Variants in AK4 observed in about 807,000 individuals in gnomAD.
The protein encoded by AK4 is adenylate kinase 4, mitochondrial.
In AK4, 13 loss-of-function variants were observed where a neutral mutation model predicts 24.6. The ratio of observed to expected loss-of-function variants is 0.53; its 90% CI spans 0.34 to 0.84. AK4 has a LOEUF of 0.84. AK4 is among the 40% of genes least tolerant of loss of function. The pLI is 0.01. For synonymous variants in AK4, 88 were observed against 107.0 expected (o/e 0.82, Z 1.10); for missense variants, 192 against 288.2 (o/e 0.67, Z 2.42).
intron 2 of AK4, among the ~76,000 whole-genome samples, chr1:65,208,622 A>G (rs1651879335): frequency 6.6e-6 from 1 of 152,166 alleles, no homozygotes; most frequent in Non-Finnish European, 1.5e-5. Flanking sequence ...AAGGGGGCTG[A>G]TGTCGCATAG....
intron 2 of AK4, among the ~76,000 whole-genome samples, chr1:65,196,726 A>G (rs1023798400): frequency 2.6e-5 from 4 of 152,176 alleles, no homozygotes; most frequent in African/African-American, 4.8e-5. Context: ...TCGGCTGCCC[A>G]AAGTGCTGGG....
chr1:65,162,305 C>T (rs926138027), intron 1 of AK4, among the ~76,000 whole-genome samples: 3 of 152,056 alleles, frequency 2.0e-5, no homozygotes, highest in African/African-American at 4.8e-5. Flanking sequence ...TAGGAGTGAA[C>T]TCTCAGTAAG....
intron 2 of AK4, among the ~76,000 whole-genome samples, chr1:65,194,262 C>G (rs1651401443): frequency 6.6e-6 from 1 of 152,246 alleles, no homozygotes; most frequent in South Asian, 2.1e-4. Flanking sequence ...TCTTCCACCA[C>G]ATATCCTAGT....
chr1:65,176,762 G>C (rs1282129052), intron 1 of AK4, among the ~76,000 whole-genome samples: 3 of 152,146 alleles, frequency 2.0e-5, no homozygotes, highest in Non-Finnish European at 2.9e-5. Flanking sequence ...GCTGTGTTGA[G>C]AGTCCTGTGG....
chr1:65,154,417 C>T, intron 1 of AK4: 1 of 423,786 alleles, frequency 2.4e-6, no homozygotes. Context: ...TAAGAATGCC[C>T]TTGGAAGAGC....
At chr1:65,185,325 C>T (rs901486639) in intron 1 of AK4, among the ~76,000 whole-genome samples, 6 of 152,172 alleles carry the variant, frequency 3.9e-5, no homozygotes, top group African/African-American at 7.2e-5. Flanking sequence ...CTAGTCCCTA[C>T]GATTTCAGTA....
chr1:65,206,222 C>T (rs1651808705), intron 2 of AK4, among the ~76,000 whole-genome samples: 1 of 152,170 alleles, frequency 6.6e-6, no homozygotes, highest in East Asian at 1.9e-4. Flanking sequence ...GGCTATATTG[C>T]CAGTACCTAT....
At chr1:65,195,634 C>T (rs1471651422) in intron 2 of AK4, among the ~76,000 whole-genome samples, 1 of 152,154 alleles carries the variant, frequency 6.6e-6, no homozygotes, top group Non-Finnish European at 1.5e-5. Context: ...TTTCTGGCAG[C>T]CTGTGTGACC....
At chr1:65,166,889 T>C (rs1650350279) in intron 1 of AK4, among the ~76,000 whole-genome samples, 1 of 152,214 alleles carries the variant, frequency 6.6e-6, no homozygotes, top group African/African-American at 2.4e-5. Context: ...CCCAGCACTT[T>C]GGAAGGCCAA....
At chr1:65,173,604 T>A (rs1650613301) in intron 1 of AK4, among the ~76,000 whole-genome samples, 1 of 152,152 alleles carries the variant, frequency 6.6e-6, no homozygotes, top group Admixed American at 6.5e-5. Flanking sequence ...GCACTACTCA[T>A]ACCTGTAATC....
intron 3 of AK4, among the ~76,000 whole-genome samples, chr1:65,222,002 G>GAC (rs1652312107): frequency 6.6e-6 from 1 of 151,996 alleles, no homozygotes; most frequent in African/African-American, 2.4e-5. Flanking sequence ...GAAGAGAAGA[G>GAC]AAAGAGAAAC....
intron 1 of AK4, among the ~76,000 whole-genome samples, chr1:65,154,055 A>G (rs578198653): frequency 6.6e-6 from 1 of 152,322 alleles, no homozygotes; most frequent in South Asian, 2.1e-4. Flanking sequence ...CCATAGGACA[A>G]TGACATGAAA....
intron 1 of AK4, among the ~76,000 whole-genome samples, chr1:65,186,737 A>G (rs1651112390): frequency 6.6e-6 from 1 of 152,192 alleles, no homozygotes; most frequent in Non-Finnish European, 1.5e-5. Flanking sequence ...AGAGTGGGAC[A>G]GCACCCAGGT....
chr1:65,161,947 G>A (rs1430578918), intron 1 of AK4, among the ~76,000 whole-genome samples: 5 of 152,096 alleles, frequency 3.3e-5, no homozygotes, highest in East Asian at 3.8e-4. Flanking sequence ...GGAGTCAGGC[G>A]TGTGAAGATT....
intron 2 of AK4, among the ~76,000 whole-genome samples, chr1:65,198,179 A>G (rs12087283): frequency 0.058 from 8,773 of 152,252 alleles, 636 homozygotes; most frequent in African/African-American, 0.17. Flanking sequence ...GCAGTGATGT[A>G]TATTCTGGTA....
chr1:65,201,400 G>A (rs1404845320), intron 2 of AK4, among the ~76,000 whole-genome samples: 7 of 152,108 alleles, frequency 4.6e-5, no homozygotes, highest in African/African-American at 1.7e-4. Flanking sequence ...AGTAGACAAT[G>A]GTGGCTTATC....
At chr1:65,214,782 A>G (rs2101077873) in intron 2 of AK4, among the ~76,000 whole-genome samples, 1 of 152,334 alleles carries the variant, frequency 6.6e-6, no homozygotes, top group South Asian at 2.1e-4. Flanking sequence ...CTGCACAAGT[A>G]CATGAGAGCC....
intron 3 of AK4, among the ~76,000 whole-genome samples, chr1:65,222,227 C>T (rs943434079): frequency 5.9e-5 from 9 of 152,198 alleles, no homozygotes; most frequent in Non-Finnish European, 7.3e-5. Flanking sequence ...TGTCCTGCTT[C>T]TGATAGTACA....
intron 1 of AK4, among the ~76,000 whole-genome samples, chr1:65,165,361 T>C (rs929195707): frequency 6.6e-6 from 1 of 152,154 alleles, no homozygotes; most frequent in Non-Finnish European, 1.5e-5. Flanking sequence ...GTAGGTATCA[T>C]GTCTATGAGT....
Sources: gnomAD v4.1 joint callset for allele counts (sites outside exome capture counted in the v4.1 genomes callset) on GRCh38, gnomAD v4.1.1 for gene constraint, MANE v1.5 for transcripts, NCBI Gene and HGNC (gene_info 2026-07-23, HGNC 2026-07-21) for gene names.